PPM1E: variants seen among roughly 807,000 people sequenced by gnomAD.
PPM1E encodes the protein protein phosphatase 1E.
In PPM1E, 20 loss-of-function variants were observed where a neutral mutation model predicts 65.9. The observed-to-expected ratio is 0.30, with a 90% CI of 0.21 to 0.44. The LOEUF is 0.44. PPM1E is among the 20% of genes least tolerant of loss of function. The pLI is 1.00. For synonymous variants in PPM1E, 352 were observed against 374.9 expected (o/e 0.94, Z 0.70); for missense variants, 713 against 953.1 (o/e 0.75, Z 3.32).
chr17:58,792,878 T>C (rs1369964815), intron 1 of PPM1E, among the ~76,000 whole-genome samples: 1 of 147,868 alleles, frequency 6.8e-6, no homozygotes, highest in African/African-American at 2.5e-5. Flanking sequence ...CTAAGCATCC[T>C]GAGTAGCTGG....
intron 1 of PPM1E, among the ~76,000 whole-genome samples, chr17:58,912,683 G>T (rs1339971494): frequency 6.6e-6 from 1 of 152,196 alleles, no homozygotes; most frequent in African/African-American, 2.4e-5. Flanking sequence ...TGAGACGAAT[G>T]ATGGCTGGTG....
At chr17:58,784,572 T>C (rs1268916130) in intron 1 of PPM1E, among the ~76,000 whole-genome samples, 6 of 150,968 alleles carry the variant, frequency 4.0e-5, no homozygotes, top group Admixed American at 3.3e-4. Context: ...GTCGCCAGGC[T>C]GGAGTGCAGT....
intron 1 of PPM1E, among the ~76,000 whole-genome samples, chr17:58,756,966 G>GC (rs2049774243): frequency 6.6e-6 from 1 of 152,170 alleles, no homozygotes; most frequent in Non-Finnish European, 1.5e-5. Flanking sequence ...GCTGCGAGGT[G>GC]CCTCCTGCGT....
At chr17:58,919,320 A>G (rs1322204030) in intron 1 of PPM1E, among the ~76,000 whole-genome samples, 1 of 152,178 alleles carries the variant, frequency 6.6e-6, no homozygotes, top group Non-Finnish European at 1.5e-5. Context: ...CAGTCATTGA[A>G]CTTGAGAGTT....
chr17:58,768,649 T>C (rs571241117), intron 1 of PPM1E, among the ~76,000 whole-genome samples: 17 of 152,310 alleles, frequency 1.1e-4, no homozygotes, highest in Admixed American at 1.1e-3. Context: ...TTAACAATTA[T>C]TGCTGTTTAT....
intron 1 of PPM1E, among the ~76,000 whole-genome samples, chr17:58,942,268 C>T (rs1251914795): frequency 1.3e-5 from 2 of 151,984 alleles, no homozygotes; most frequent in African/African-American, 4.8e-5. Context: ...CACCTGTAGT[C>T]GTAGCTCCAC....
intron 1 of PPM1E, among the ~76,000 whole-genome samples, chr17:58,768,704 T>A (rs2049906896): frequency 6.6e-6 from 1 of 152,036 alleles, no homozygotes; most frequent in South Asian, 2.1e-4. Flanking sequence ...AGTTTCACTC[T>A]TGTTGCCCAG....
At chr17:58,795,832 C>CT (rs936858297) in intron 1 of PPM1E, among the ~76,000 whole-genome samples, 4 of 152,032 alleles carry the variant, frequency 2.6e-5, no homozygotes, top group African/African-American at 4.8e-5. Flanking sequence ...ACATGTATGT[C>CT]TTTTTTTGAA....
intron 1 of PPM1E, among the ~76,000 whole-genome samples, chr17:58,772,931 T>A (rs1214510080): frequency 2.0e-5 from 3 of 151,952 alleles, no homozygotes; most frequent in Non-Finnish European, 4.4e-5. Context: ...TTTATTTGGC[T>A]ATTAGAACAG....
intron 1 of PPM1E, among the ~76,000 whole-genome samples, chr17:58,882,889 TTCTG>T (rs1363944996): frequency 2.0e-5 from 3 of 152,024 alleles, no homozygotes; most frequent in Non-Finnish European, 2.9e-5. Flanking sequence ...TTTTATTCTG[TTCTG>T]TCTGAGATTT....
At chr17:58,909,407 C>T (rs936543330) in intron 1 of PPM1E, among the ~76,000 whole-genome samples, 2 of 152,220 alleles carry the variant, frequency 1.3e-5, no homozygotes, top group Admixed American at 6.5e-5. Flanking sequence ...CAGGTACACA[C>T]CGTCACACCT....
At chr17:58,918,855 G>C (rs894956848) in intron 1 of PPM1E, among the ~76,000 whole-genome samples, 1 of 144,184 alleles carries the variant, frequency 6.9e-6, no homozygotes, top group Non-Finnish European at 1.5e-5. Flanking sequence ...GAATAGAAAC[G>C]TTTATTCAGT....
chr17:58,969,863 G>A lies in PPM1E; in HGVS notation c.972+136G>A, dbSNP rs1224166556. On this transcript the variant is annotated intron_variant, in intron 4 of 6. Transcript: ENST00000308249. Reference sequence around the variant, plus strand: ...AACTGTATTCTTGACTCACAGTATTGGATTCTGTTGTAGTTCCAATTCCCT... The same window carrying A: ...AACTGTATTCTTGACTCACAGTATTAGATTCTGTTGTAGTTCCAATTCCCT... 8.5e-6 allele frequency: 7 copies of A among 820,404 alleles called. 1 individual carries two copies. In the South Asian group the frequency reaches 9.1e-5, roughly 11 times the overall value. 50.8% of individuals were successfully genotyped at this position (820,404 alleles called of 1,614,324 possible). A position where few individuals can be genotyped will look rare whatever the true frequency, so the allele number is the denominator to read the frequency against.
rs538290014 is a variant in PPM1E at position 58,858,532 on chromosome 17, T to G, written c.465-97117T>G. On this transcript the variant is annotated intron_variant, in intron 1 of 6. Transcript: ENST00000308249. The stretch of plus-strand genomic sequence containing the variant: ...ACTTCCATGAGATCAATTTTTTTTT[T>G]TTTAGCCTCCAAATATGAGTGAGTA... 2.0e-5 allele frequency among the ~76,000 whole-genome samples: 3 copies of G among 152,270 alleles called. No individual in the cohort carries two copies. The South Asian group carries it at 6.2e-4, about 32-fold the overall frequency.
At chr17:58,761,422 G>T (rs759560993) in intron 1 of PPM1E, among the ~76,000 whole-genome samples, 1 of 152,056 alleles carries the variant, frequency 6.6e-6, no homozygotes, top group Non-Finnish European at 1.5e-5. Context: ...AAAATCCAAA[G>T]GTAAGGGCTT....
chr17:58,977,331 T>C (rs1052172170), intron 6 of PPM1E, among the ~76,000 whole-genome samples: 29 of 151,438 alleles, frequency 1.9e-4, no homozygotes, highest in African/African-American at 6.8e-4. Flanking sequence ...TAATCCCAGC[T>C]ACTTGGGAGG....
At chr17:58,844,341 T>A (rs528783878) in intron 1 of PPM1E, among the ~76,000 whole-genome samples, 1 of 152,144 alleles carries the variant, frequency 6.6e-6, no homozygotes, top group East Asian at 1.9e-4. Context: ...TGAAAGTGAA[T>A]AATAAGGGTA....
chr17:58,831,288 C>T (rs1217369510), intron 1 of PPM1E, among the ~76,000 whole-genome samples: 6 of 152,178 alleles, frequency 3.9e-5, no homozygotes, highest in African/African-American at 1.4e-4. Context: ...GGATTACAGG[C>T]GTGAGCCACT....
chr17:58,955,450 T>A, intron 1 of PPM1E, 199 bp from the exon 2 acceptor site: 1 of 641,894 alleles, frequency 1.6e-6, no homozygotes, highest in South Asian at 1.7e-5. Flanking sequence ...CTCCTTTAGG[T>A]AAGGAGCCAT....
Sources: gnomAD v4.1 joint callset for allele counts (sites outside exome capture counted in the v4.1 genomes callset) on GRCh38, gnomAD v4.1.1 for gene constraint, MANE v1.5 for transcripts, NCBI Gene and HGNC (gene_info 2026-07-23, HGNC 2026-07-21) for gene names.